Variants in EVC observed in about 807,000 individuals in gnomAD.
EVC encodes the protein EvC ciliary complex subunit 1, also known as evC complex member EVC.
EVC carries 116 observed loss-of-function variants against 118.9 expected under a neutral mutation model. The observed-to-expected ratio is 0.98, with a 90% CI of 0.84 to 1.14. EVC has a LOEUF of 1.14. Among genes scored for constraint, EVC ranks in the 50% most tolerant of loss-of-function variants. The pLI, the probability that EVC is intolerant of heterozygous loss-of-function variation, is 0.00. For synonymous variants in EVC, 619 were observed against 534.7 expected (o/e 1.16, Z -2.18); for missense variants, 1,401 against 1,246.4 (o/e 1.12, Z -1.87).
intron 16 of EVC, 96 bp from the exon 17 acceptor site, chr4:5,804,634 G>A (rs1408844256): frequency 3.2e-6 from 3 of 948,096 alleles, no homozygotes; most frequent in East Asian, 4.9e-5. Context: ...GAGAGCTGGT[G>A]TGTCTCACTC....
chr4:5,801,839 G>C (rs1039680320), intron 15 of EVC, 111 bp from the exon 16 acceptor site: 1 of 1,236,980 alleles, frequency 8.1e-7, no homozygotes, highest in East Asian at 2.5e-5. Flanking sequence ...CCAGGTTGGT[G>C]AGTAGGTGGA....
chr4:5,785,548 A>G (rs1736290422), intron 12 of EVC, among the ~76,000 whole-genome samples: 1 of 152,234 alleles, frequency 6.6e-6, no homozygotes, highest in African/African-American at 2.4e-5. Context: ...CACAGGGCCT[A>G]GTTGCCTGCC....
At position 5,804,930 on chromosome 4, in the gene EVC, C is replaced by G. The variant is rs533283636; in HGVS notation, c.2561+89C>G. 10 of 1,170,994 alleles carry G rather than the reference C, an allele frequency of 8.5e-6. No homozygotes were observed. In the African/African-American group the frequency reaches 1.5e-4, roughly 18 times the overall value. 72.5% of individuals were successfully genotyped at this position (1,170,994 alleles called of 1,614,324 possible). A position where few individuals can be genotyped will look rare whatever the true frequency, so the allele number is the denominator to read the frequency against. ...CTGTGGTGCCGTCAGCAGGTGCCGT[C>G]GCGTGCATTGCCCGTGGACTTGGGG... On this transcript the variant is annotated intron_variant, in intron 17 of 20. Transcript: ENST00000264956.
intron 11 of EVC, chr4:5,758,123 T>A (rs1560351913): frequency 2.8e-6 from 2 of 702,118 alleles, no homozygotes; most frequent in Non-Finnish European, 5.2e-6. Flanking sequence ...GGAGGCTGTT[T>A]GAAGACAGAA....
intron 19 of EVC, among the ~76,000 whole-genome samples, 196 bp downstream of exon 19, chr4:5,809,807 A>G (rs1716594516): frequency 1.3e-5 from 2 of 152,080 alleles, no homozygotes; most frequent in African/African-American, 2.4e-5. Flanking sequence ...CTAGCATTTG[A>G]TAATTCCAGT....
At chr4:5,770,266 G>A (rs1733740245) in intron 11 of EVC, among the ~76,000 whole-genome samples, 2 of 152,116 alleles carry the variant, frequency 1.3e-5, no homozygotes, top group Admixed American at 6.5e-5. Flanking sequence ...GCTGCCCTGA[G>A]CCTCCAGCCC....
chr4:5,729,493 T>A (rs1051899695), intron 3 of EVC, 103 bp downstream of exon 3: 1 of 1,192,304 alleles, frequency 8.4e-7, no homozygotes, highest in African/African-American at 1.5e-5. Flanking sequence ...TGGTCCTGTT[T>A]GAGGGTTTTA....
In EVC at chr4:5,765,464, C is replaced by G. The variant is rs576026709; in HGVS notation, c.1563+9102C>G. ...TTCAATTCCTGGGTATCCTTGTTAA[C>G]TTTCTGTCTCATTGATCTGTCTAAT... On this transcript the variant is annotated intron_variant, in intron 11 of 20. Transcript: ENST00000264956. 2.5e-3 allele frequency among the ~76,000 whole-genome samples: 285 copies of G among 115,450 alleles called. 55 individuals are homozygous for G. The highest frequency in any genetic ancestry group is 9.3e-3 in the African/African-American group (275 of 29,470). The allele number at this position is 115,450 out of a possible 152,430, so 75.7% of individuals were successfully genotyped here. A position where few individuals can be genotyped will look rare whatever the true frequency, so the allele number is the denominator to read the frequency against.
At position 5,755,409 on chromosome 4, in the gene EVC, A is replaced by G. The variant is rs1731013180; in HGVS notation, c.1465-855A>G. Among the ~76,000 whole-genome samples the G allele has an allele frequency of 2.0e-5, 3 of 148,242 alleles. No individual in the cohort carries two copies. Among genetic ancestry groups the G allele is most frequent in the Non-Finnish European group, 4.5e-5 (3 of 67,300 alleles). On this transcript the variant is annotated intron_variant, in intron 10 of 20. Coordinates refer to ENST00000264956, the MANE Select transcript of EVC (RefSeq NM_153717.3). This position sits in a 1 kb window ranked among gnomAD's most constrained non-coding sequence, Gnocchi z 4.1. Reference sequence around the variant, plus strand: ...GCCTGAATGAACCAGGACATGGACAAATGGGCAAACGAGCGAATGAAGGAG... The same window carrying G: ...GCCTGAATGAACCAGGACATGGACAGATGGGCAAACGAGCGAATGAAGGAG...
intron 11 of EVC, among the ~76,000 whole-genome samples, chr4:5,770,320 C>T (rs767196744): frequency 2.0e-5 from 3 of 152,272 alleles, no homozygotes; most frequent in South Asian, 2.1e-4. Flanking sequence ...GCCTCCCTGC[C>T]GTAAATCACA....
At chr4:5,787,896 T>C (rs1036812327) in intron 12 of EVC, among the ~76,000 whole-genome samples, 12 of 152,170 alleles carry the variant, frequency 7.9e-5, no homozygotes, top group African/African-American at 2.9e-4. Context: ...TGCCGAGCTT[T>C]CAGGCCTCCT....
chr4:5,714,095 G>C (rs1445058330), intron 1 of EVC, among the ~76,000 whole-genome samples: 2 of 152,096 alleles, frequency 1.3e-5, no homozygotes, highest in African/African-American at 2.4e-5. Context: ...CTCTCCGCCT[G>C]CGCGGTCCTT....
At chr4:5,822,852 C>G in the EVC span, among the ~76,000 whole-genome samples, 1 of 152,240 alleles carries the variant, frequency 6.6e-6, no homozygotes, top group East Asian at 1.9e-4. Context: ...AGTTAGCTCA[C>G]TGCAACCACA....
the EVC span, chr4:5,825,987 AG>A: frequency 6.1e-5 from 23 of 374,918 alleles, no homozygotes; most frequent in Non-Finnish European, 9.6e-5. The surrounding 1 kb of genome is among the most constrained non-coding windows in gnomAD (Gnocchi z 4.4). Flanking sequence ...AGGCCTACAC[AG>A]TAGCATACAC....
In EVC at chr4:5,813,818, G is replaced by A. The variant is rs1717272048; in HGVS notation, c.*2781G>A. ...GGAACGTGTCATTTGCTCGACCCTG[G>A]CCCACCCTTGCCGCCCAGCTGTTGT... On this transcript the variant is annotated 3_prime_UTR_variant, in exon 21 of 21. Coordinates refer to ENST00000264956, the MANE Select transcript of EVC (RefSeq NM_153717.3). The A allele has an allele frequency of 6.6e-6, 1 of 152,220 alleles. No individual in the cohort carries two copies. The highest frequency in any genetic ancestry group is 1.5e-5 in the Non-Finnish European group (1 of 68,056). The allele number at this position is 152,220 out of a possible 1,614,324, so 9.4% of individuals were successfully genotyped here. A position where few individuals can be genotyped will look rare whatever the true frequency, so the allele number is the denominator to read the frequency against.
chr4:5,782,494 C>T (rs1354674041), intron 11 of EVC, among the ~76,000 whole-genome samples: 3 of 114,000 alleles, frequency 2.6e-5, no homozygotes, highest in South Asian at 3.1e-4. Context: ...CCCAGGTTCA[C>T]GCCATTCTCC....
At chr4:5,725,533 T>C (rs1725672210) in intron 2 of EVC, among the ~76,000 whole-genome samples, 1 of 152,226 alleles carries the variant, frequency 6.6e-6, no homozygotes, top group South Asian at 2.1e-4. Context: ...TTTTGAGAAA[T>C]GTCTGTTCAT....
intron 2 of EVC, among the ~76,000 whole-genome samples, chr4:5,721,638 C>A (rs777365189): frequency 6.6e-6 from 1 of 152,080 alleles, no homozygotes; most frequent in African/African-American, 2.4e-5. Flanking sequence ...GAGGCTGAGG[C>A]GGGCAGACAC....
At chr4:5,745,628 G>A (rs574523171) in intron 7 of EVC, among the ~76,000 whole-genome samples, 1 of 152,324 alleles carries the variant, frequency 6.6e-6, no homozygotes, top group South Asian at 2.1e-4. Context: ...AACCCTTGAT[G>A]TCATCACTGC....
Sources: gnomAD v4.1 joint callset for allele counts (sites outside exome capture counted in the v4.1 genomes callset) on GRCh38, gnomAD v4.1.1 for gene constraint, Gnocchi (gnomAD v3.1) non-coding constraint, MANE v1.5 for transcripts, NCBI Gene and HGNC (gene_info 2026-07-23, HGNC 2026-07-21) for gene names.